RWDD3: variants seen among roughly 807,000 people sequenced by gnomAD.
RWDD3 encodes the protein RWD domain-containing protein 3.
RWDD3 carries 30 observed loss-of-function variants against 26.5 expected under a neutral mutation model. The ratio of observed to expected loss-of-function variants is 1.13; its 90% CI spans 0.85 to 1.54. The LOEUF (loss-of-function observed/expected upper bound fraction) is 1.54. Among genes scored for constraint, RWDD3 ranks in the 40% most tolerant of loss-of-function variants. The pLI is 0.00. For synonymous variants in RWDD3, 113 were observed against 114.5 expected (o/e 0.99, Z 0.09); for missense variants, 296 against 309.1 (o/e 0.96, Z 0.32).
In RWDD3 at chr1:95,240,041, C is replaced by T. The variant is rs989465107; in HGVS notation, c.86-4170C>T. 7.7e-6 allele frequency: 6 copies of T among 774,244 alleles called. No homozygotes were observed. The Admixed American group carries it at 9.1e-5, about 12-fold the overall frequency. 48.0% of individuals were successfully genotyped at this position (774,244 alleles called of 1,614,324 possible). ...ACATTGCCTTCTTTTGTAGTAAAAT[C>T]TCTGTCTCCTCCTTATAGGGACCCT... On this transcript the variant is annotated intron_variant, in intron 1 of 3. Coordinates refer to ENST00000370202, the MANE Select transcript of RWDD3 (RefSeq NM_015485.5).
intron 2 of RWDD3, among the ~76,000 whole-genome samples, chr1:95,245,761 A>G (rs1160970680): frequency 6.6e-6 from 1 of 152,160 alleles, no homozygotes; most frequent in Non-Finnish European, 1.5e-5. Context: ...ATTAATTTTC[A>G]TGCTCATCTT....
intron 1 of RWDD3, among the ~76,000 whole-genome samples, chr1:95,234,842 C>T (rs1461792674): frequency 6.6e-6 from 1 of 151,952 alleles, no homozygotes; most frequent in African/African-American, 2.4e-5. Flanking sequence ...TTCATTTATC[C>T]AGTGCTCAAC....
At chr1:95,236,609 G>C (rs577355325) in intron 1 of RWDD3, among the ~76,000 whole-genome samples, 80 of 152,202 alleles carry the variant, frequency 5.3e-4, no homozygotes, top group African/African-American at 1.8e-3. Flanking sequence ...CCATATGAAG[G>C]GGTTTACTCA....
intron 1 of RWDD3, among the ~76,000 whole-genome samples, chr1:95,242,959 T>C (rs1318251632): frequency 6.6e-6 from 1 of 151,572 alleles, no homozygotes; most frequent in Non-Finnish European, 1.5e-5. Flanking sequence ...AGAAGAAGGG[T>C]TTTGAGAAAC....
At chr1:95,236,871 A>C (rs560838547) in intron 1 of RWDD3, among the ~76,000 whole-genome samples, 1 of 152,336 alleles carries the variant, frequency 6.6e-6, no homozygotes, top group South Asian at 2.1e-4. Flanking sequence ...AGCATAAAAC[A>C]CTGCTGAAGG....
chr1:95,241,185 C>G (rs895598105), intron 1 of RWDD3, among the ~76,000 whole-genome samples: 10 of 151,960 alleles, frequency 6.6e-5, no homozygotes, highest in African/African-American at 2.2e-4. Flanking sequence ...TCAAGTGGCC[C>G]AGCAGTTCCT....
chr1:95,237,535 T>A (rs1453780007), intron 1 of RWDD3: 1 of 152,232 alleles, frequency 6.6e-6, no homozygotes, highest in Non-Finnish European at 1.5e-5. Flanking sequence ...CAGGGGATTT[T>A]ATCTGCCTTT....
intron 1 of RWDD3, among the ~76,000 whole-genome samples, chr1:95,238,798 G>A (rs1024817444): frequency 6.6e-6 from 1 of 152,040 alleles, no homozygotes; most frequent in Non-Finnish European, 1.5e-5. Flanking sequence ...TTATTAAGTA[G>A]AATGAAACCT....
In RWDD3 at chr1:95,247,010, C is replaced by T; in HGVS notation, c.*140C>T. ...ATAGGCATCATTCTAACTTCAGGAACAAAAGCCAGTTCTGTTTTATGAAAT... is the reference window on the plus strand; with the variant it reads ...ATAGGCATCATTCTAACTTCAGGAATAAAAGCCAGTTCTGTTTTATGAAAT... On this transcript the variant is annotated 3_prime_UTR_variant, in exon 4 of 4. Coordinates refer to ENST00000370202, the MANE Select transcript of RWDD3 (RefSeq NM_015485.5). 2.1e-6 allele frequency: 1 copy of T among 468,568 alleles called. No homozygotes were observed. The highest frequency in any genetic ancestry group is 3.8e-6 in the Non-Finnish European group (1 of 263,730). The allele number at this position is 468,568 out of a possible 1,614,324, so 29.0% of individuals were successfully genotyped here. A position where few individuals can be genotyped will look rare whatever the true frequency, so the allele number is the denominator to read the frequency against.
chr1:95,243,869 G>A (rs1680734482), intron 1 of RWDD3, among the ~76,000 whole-genome samples: 1 of 152,166 alleles, frequency 6.6e-6, no homozygotes, highest in Non-Finnish European at 1.5e-5. Flanking sequence ...AAGCTCATAT[G>A]AGTTTATTAG....
At chr1:95,239,331 A>G (rs1490139589) in intron 1 of RWDD3, among the ~76,000 whole-genome samples, 2 of 152,342 alleles carry the variant, frequency 1.3e-5, no homozygotes, top group Admixed American at 6.5e-5. Context: ...CAAAAAAAGA[A>G]AACAAAAAAT....
At chr1:95,239,952 C>T (rs747288668) in intron 1 of RWDD3, 6 of 1,288,164 alleles carry the variant, frequency 4.7e-6, no homozygotes, top group Admixed American at 4.6e-5. Flanking sequence ...CTGTGGGTCT[C>T]AGGGTTTTGA....
intron 1 of RWDD3, among the ~76,000 whole-genome samples, chr1:95,242,138 G>C (rs901792986): frequency 6.6e-6 from 1 of 152,150 alleles, no homozygotes; most frequent in South Asian, 2.1e-4. Flanking sequence ...CCACCACCCT[G>C]ACTGAACTCC....
intron 1 of RWDD3, chr1:95,239,927 AC>A (rs1233148761): frequency 3.1e-6 from 4 of 1,289,572 alleles, no homozygotes; most frequent in Non-Finnish European, 4.0e-6. Flanking sequence ...TTTATATGGC[AC>A]AGGTTGGAGA....
chr1:95,244,329 C>G lies in RWDD3; in HGVS notation c.204C>G (p.Ile68Met), dbSNP rs1456661712. ...ATTATCCTTCATGTCTACCTGGTAT[C>G]TCGATTAACTCTGAACAGTTGACCA... ...PVNYPSCLPG[I>M]SINSEQLTRA... Residue 68 changes from isoleucine (I) to methionine (M), a missense_variant, in exon 2 of 4, where the codon ATC (isoleucine) becomes ATG (methionine). Physicochemically the swap from Ile to Met is conservative, Grantham distance 10. Transcript: ENST00000370202. The G allele has an allele frequency of 6.2e-7, 1 of 1,614,192 alleles. No homozygotes were observed. Among genetic ancestry groups the G allele is most frequent in the East Asian group, 2.2e-5 (1 of 44,878 alleles).
chr1:95,238,958 G>C (rs184498549), intron 1 of RWDD3, among the ~76,000 whole-genome samples: 1 of 152,308 alleles, frequency 6.6e-6, no homozygotes, highest in Admixed American at 6.5e-5. Flanking sequence ...TTTTAGGTAT[G>C]AAAATGATAC....
intron 1 of RWDD3, among the ~76,000 whole-genome samples, chr1:95,238,730 T>C (rs973463997): frequency 6.6e-6 from 1 of 152,216 alleles, no homozygotes; most frequent in Admixed American, 6.5e-5. Context: ...TTACCTTTTT[T>C]TAAAAATGTC....
intron 1 of RWDD3, among the ~76,000 whole-genome samples, chr1:95,238,656 A>G (rs1433585852): frequency 1.3e-5 from 2 of 151,532 alleles, no homozygotes; most frequent in Admixed American, 1.3e-4. Context: ...TCAGATGTAT[A>G]TGGTATGTAA....
At chr1:95,245,023 A>G (rs1013556272) in intron 2 of RWDD3, 5 of 244,864 alleles carry the variant, frequency 2.0e-5, no homozygotes, top group Non-Finnish European at 3.9e-5. Context: ...ATGTGCACTA[A>G]AAGTTTGTGC....
Sources: gnomAD v4.1 joint callset for allele counts (sites outside exome capture counted in the v4.1 genomes callset) on GRCh38, gnomAD v4.1.1 for gene constraint, MANE v1.5 for transcripts, NCBI Gene and HGNC (gene_info 2026-07-23, HGNC 2026-07-21) for gene names.